The following TMEM178B variants were observed in gnomAD, a reference collection of about 807,000 sequenced individuals.
TMEM178B encodes transmembrane protein 178B.
A neutral mutation model predicts 31.0 loss-of-function variants in TMEM178B; 5 were observed. That is an observed-to-expected ratio of 0.16 (90% CI 0.08 to 0.34). The LOEUF (loss-of-function observed/expected upper bound fraction) is 0.34, where lower values mean the gene tolerates loss of function less well. TMEM178B is among the 10% of genes least tolerant of loss of function. The pLI is 1.00. For missense variants in TMEM178B, 275 were observed against 400.3 expected (o/e 0.69, Z 2.67); for synonymous variants, 164 against 164.0 (o/e 1.00, Z 0.00).
At chr7:141,138,196 G>T (rs1030128346) in intron 1 of TMEM178B, among the ~76,000 whole-genome samples, 1 of 151,828 alleles carries the variant, frequency 6.6e-6, no homozygotes, top group Non-Finnish European at 1.5e-5. Flanking sequence ...CGAATAGCTG[G>T]GACTACAGGC....
Position 141,151,897 on chromosome 7 carries a change from C to T in TMEM178B, c.383-60694C>T, listed in dbSNP as rs548836928. On this transcript the variant is annotated intron_variant, in intron 1 of 3. Coordinates refer to ENST00000565468, the MANE Select transcript of TMEM178B (RefSeq NM_001195278.2). The stretch of plus-strand genomic sequence containing the variant: ...TGGCCACACTGTGTCCTGTGGGCTC[C>T]ACAGCATGGATGCTGCAGCCAGGAT... Among the ~76,000 whole-genome samples the T allele has an allele frequency of 7.6e-4, 115 of 152,290 alleles. 3 individuals are homozygous for T. The South Asian group carries it at 0.022, about 29-fold the overall frequency.
intron 2 of TMEM178B, among the ~76,000 whole-genome samples, chr7:141,276,223 G>C (rs900499330): frequency 6.6e-6 from 1 of 152,150 alleles, no homozygotes; most frequent in African/African-American, 2.4e-5. Flanking sequence ...GGTGACAGCA[G>C]GCTGCCTTGG....
chr7:141,451,523 C>T (rs1393738941), intron 3 of TMEM178B, among the ~76,000 whole-genome samples: 1 of 152,144 alleles, frequency 6.6e-6, no homozygotes, highest in Non-Finnish European at 1.5e-5. Context: ...TTTAATTATG[C>T]AGCACTGTCT....
intron 2 of TMEM178B, among the ~76,000 whole-genome samples, chr7:141,307,105 A>G (rs2080759459): frequency 6.6e-6 from 1 of 152,126 alleles, no homozygotes; most frequent in Non-Finnish European, 1.5e-5. Context: ...TATAATGTAC[A>G]TATTTTTCCT....
chr7:141,153,149 C>T (rs2129180728), intron 1 of TMEM178B, among the ~76,000 whole-genome samples: 1 of 152,282 alleles, frequency 6.6e-6, no homozygotes, highest in Admixed American at 6.5e-5. Context: ...TTTCTCTATT[C>T]ACAGATAGCA....
rs138868282 is a variant in TMEM178B, at chr7:141,146,475, T to C, written c.383-66116T>C. Among the ~76,000 whole-genome samples the C allele has an allele frequency of 4.0e-3, 605 of 152,338 alleles. 6 individuals carry two copies. The highest frequency in any genetic ancestry group is 0.012 in the African/African-American group (480 of 41,576). Reference sequence around the variant, plus strand: ...GTTCTGCCACTTTTTAGCTAAGTGATGTTGGATATATTACCTAACTTTCCT... The same window carrying C: ...GTTCTGCCACTTTTTAGCTAAGTGACGTTGGATATATTACCTAACTTTCCT... On this transcript the variant is annotated intron_variant, in intron 1 of 3. Transcript: ENST00000565468.
intron 1 of TMEM178B, among the ~76,000 whole-genome samples, chr7:141,093,808 G>A (rs1230097028): frequency 1.3e-5 from 2 of 152,212 alleles, no homozygotes; most frequent in African/African-American, 4.8e-5. Flanking sequence ...CTGTCAATGG[G>A]TCAAGTTCAA....
chr7:141,470,500 A>T, intron 3 of TMEM178B, 36 bp from the exon 4 acceptor site: 1 of 1,442,408 alleles, frequency 6.9e-7, no homozygotes, highest in Non-Finnish European at 9.1e-7. Context: ...TTCCTTCTCC[A>T]TTTCCCCATC....
chr7:141,339,433 C>G (rs10251250), intron 2 of TMEM178B, among the ~76,000 whole-genome samples: 1 of 152,102 alleles, frequency 6.6e-6, no homozygotes, highest in Admixed American at 6.5e-5. Context: ...AACCAACTGT[C>G]CCAGCTACTG....
At chr7:141,507,508 G>A in the TMEM178B span, among the ~76,000 whole-genome samples, 2 of 152,198 alleles carry the variant, frequency 1.3e-5, no homozygotes, top group African/African-American at 4.8e-5. Flanking sequence ...GAGTAACTGG[G>A]ATTACAGGTG....
At chr7:141,487,741 CAAAAAAAAAA>C in the TMEM178B span, among the ~76,000 whole-genome samples, 5 of 30,250 alleles carry the variant, frequency 1.7e-4, no homozygotes, top group Non-Finnish European at 3.4e-4. Flanking sequence ...GACTCCGTCT[CAAAAAAAAAA>C]AAAAAAAAAA....
chr7:141,228,219 T>C (rs1484236045), intron 2 of TMEM178B, among the ~76,000 whole-genome samples: 2 of 152,202 alleles, frequency 1.3e-5, no homozygotes, highest in African/African-American at 4.8e-5. Context: ...AGTTTTCATA[T>C]ATATGTTGTA....
At chr7:141,355,568 G>A (rs1799805031) in intron 2 of TMEM178B, among the ~76,000 whole-genome samples, 1 of 152,202 alleles carries the variant, frequency 6.6e-6, no homozygotes, top group Admixed American at 6.5e-5. Context: ...GCCTTGATTG[G>A]CATTCAATGC....
rs56692952 is a variant in TMEM178B, at chr7:141,418,717, C to A, written c.497-18891C>A. 2.0e-5 allele frequency among the ~76,000 whole-genome samples: 3 copies of A among 152,274 alleles called. No homozygotes were observed. In the East Asian group the frequency reaches 5.8e-4, roughly 29 times the overall value. On this transcript the variant is annotated intron_variant, in intron 2 of 3. Coordinates refer to ENST00000565468, the MANE Select transcript of TMEM178B (RefSeq NM_001195278.2). ...TATGTTCCATCTCTCGAAAAGCAGG[C>A]ATTCAATCCTACAGCTTTAACTACG... is the stretch of plus-strand genomic sequence containing the variant.
chr7:141,441,566 G>C (rs1048433976), intron 3 of TMEM178B, among the ~76,000 whole-genome samples: 5 of 152,180 alleles, frequency 3.3e-5, no homozygotes, highest in African/African-American at 9.7e-5. Flanking sequence ...AAGTGAGAAG[G>C]GTGGGGGGAC....
intron 1 of TMEM178B, among the ~76,000 whole-genome samples, chr7:141,176,315 A>G (rs1796433522): frequency 6.6e-6 from 1 of 152,170 alleles, no homozygotes; most frequent in Non-Finnish European, 1.5e-5. Context: ...AGCTGACTTG[A>G]TCATGGTGGA....
rs1181691794 is a variant in TMEM178B, at chr7:141,470,596, G to A, written c.695G>A (p.Arg232His). ...GCCGGGATCAACTTTGAGCTGTCAC[G>A]CTACCCACGCTACCTGTACGGACTC... ...CVAGINFELS[R>H]YPRYLYGLPD... Residue 232 changes from arginine (R) to histidine (H), a missense_variant, in exon 4 of 4, where the codon CGC becomes CAC. Physicochemically the swap from Arg to His is conservative, Grantham distance 29. Transcript: ENST00000565468. 2 of 1,534,594 alleles carry A rather than the reference G, an allele frequency of 1.3e-6. No individual in the cohort carries two copies. Among genetic ancestry groups the A allele is most frequent in the Non-Finnish European group, 1.7e-6 (2 of 1,146,456 alleles).
chr7:141,157,712 A>G (rs1009968342), intron 1 of TMEM178B, among the ~76,000 whole-genome samples: 5 of 152,246 alleles, frequency 3.3e-5, no homozygotes, highest in Admixed American at 1.3e-4. Flanking sequence ...CACTCCTCGC[A>G]GGTGACTGTG....
At chr7:141,215,695 C>T (rs1377481071) in intron 2 of TMEM178B, among the ~76,000 whole-genome samples, 2 of 151,912 alleles carry the variant, frequency 1.3e-5, no homozygotes, top group Non-Finnish European at 2.9e-5. Flanking sequence ...TAGTTTTTGC[C>T]AAAGGAAAGA....
Sources: allele counts gnomAD v4.1 joint callset (sites outside exome capture counted in the v4.1 genomes callset), GRCh38; gene constraint gnomAD v4.1.1; transcripts MANE v1.5; gene names NCBI Gene and HGNC (gene_info 2026-07-23, HGNC 2026-07-21).